ZHX2: variants seen among roughly 807,000 people sequenced by gnomAD.
ZHX2 encodes zinc fingers and homeoboxes 2, also known as zinc fingers and homeoboxes protein 2.
Under a neutral mutation model 21.9 loss-of-function variants are expected in ZHX2, and 6 were observed. The observed-to-expected ratio is 0.27, with a 90% confidence interval of 0.15 to 0.54. ZHX2 has a LOEUF of 0.54. Among genes scored for constraint, ZHX2 ranks in the 20% least tolerant of loss-of-function variants. The pLI, the probability that ZHX2 is intolerant of heterozygous loss-of-function variation, is 0.95. For missense variants in ZHX2, 908 were observed against 1,090.7 expected (o/e 0.83, Z 2.36); for synonymous variants, 434 against 437.1 (o/e 0.99, Z 0.09).
intron 2 of ZHX2, among the ~76,000 whole-genome samples, chr8:122,941,066 A>AT (rs886584638): frequency 1.5e-5 from 2 of 137,598 alleles, no homozygotes; most frequent in African/African-American, 6.2e-5. Flanking sequence ...CCCTATCTCT[A>AT]TTAAAAAAAA....
At chr8:122,918,467 G>A (rs115089114) in intron 2 of ZHX2, among the ~76,000 whole-genome samples, 6 of 152,214 alleles carry the variant, frequency 3.9e-5, no homozygotes, top group East Asian at 3.9e-4. Flanking sequence ...TACCCATCTC[G>A]CCTTTGCCTT....
chr8:122,919,499 G>C (rs1029166578), intron 2 of ZHX2, among the ~76,000 whole-genome samples: 8 of 152,132 alleles, frequency 5.3e-5, no homozygotes, highest in African/African-American at 1.9e-4. Flanking sequence ...TCAATCATGT[G>C]CTAGCTTCAA....
chr8:122,906,374 G>T (rs1820347551), intron 2 of ZHX2, among the ~76,000 whole-genome samples: 1 of 152,218 alleles, frequency 6.6e-6, no homozygotes, highest in Admixed American at 6.5e-5. Flanking sequence ...ATCAGTAGGG[G>T]AATGGCTTAT....
chr8:122,805,268 G>A (rs983945861), intron 1 of ZHX2, among the ~76,000 whole-genome samples: 1 of 152,164 alleles, frequency 6.6e-6, no homozygotes, highest in African/African-American at 2.4e-5. Flanking sequence ...ACGCCTCAGT[G>A]CTGTTCCACC....
chr8:122,928,948 A>G (rs1046888814), intron 2 of ZHX2, among the ~76,000 whole-genome samples: 5 of 152,124 alleles, frequency 3.3e-5, no homozygotes, highest in East Asian at 1.9e-4. Context: ...GGTTGTTACA[A>G]TTACTATCAT....
chr8:122,804,236 G>C (rs975502964), intron 1 of ZHX2, among the ~76,000 whole-genome samples: 1 of 152,138 alleles, frequency 6.6e-6, no homozygotes, highest in African/African-American at 2.4e-5. Context: ...AGCCTCCCAA[G>C]CAGCTGGGAC....
At chr8:122,868,979 G>A (rs6470120) in intron 2 of ZHX2, among the ~76,000 whole-genome samples, 58,481 of 152,146 alleles carry the variant, frequency 0.38, 11,900 homozygotes, top group African/African-American at 0.53. Flanking sequence ...CTGGGTTATT[G>A]AGTGAGAGCT....
intron 1 of ZHX2, among the ~76,000 whole-genome samples, chr8:122,834,409 G>A (rs1183424603): frequency 6.6e-6 from 1 of 152,220 alleles, no homozygotes; most frequent in Non-Finnish European, 1.5e-5. Flanking sequence ...GCTTACCTGG[G>A]TTTGGGCATT....
intron 2 of ZHX2, among the ~76,000 whole-genome samples, chr8:122,922,783 T>C (rs750580378): frequency 1.1e-4 from 17 of 152,256 alleles, no homozygotes; most frequent in South Asian, 8.3e-4. Flanking sequence ...AGTTTCCATA[T>C]GCATGAAACA....
At chr8:122,941,821 A>G (rs1308313772) in intron 2 of ZHX2, among the ~76,000 whole-genome samples, 1 of 152,264 alleles carries the variant, frequency 6.6e-6, no homozygotes, top group African/African-American at 2.4e-5. Flanking sequence ...CTGATTAAAA[A>G]TATACATTCC....
At chr8:122,815,177 C>T (rs1175093909) in intron 1 of ZHX2, among the ~76,000 whole-genome samples, 2 of 152,136 alleles carry the variant, frequency 1.3e-5, no homozygotes, top group Non-Finnish European at 2.9e-5. Context: ...CTTAATAGTT[C>T]CCATTTATTG....
At chr8:122,810,881 C>T (rs1001885549) in intron 1 of ZHX2, among the ~76,000 whole-genome samples, 8 of 151,990 alleles carry the variant, frequency 5.3e-5, no homozygotes, top group Non-Finnish European at 1.2e-4. Context: ...CATGCTGGTG[C>T]GCTGCACCCA....
At chr8:122,926,977 G>A (rs1820875341) in intron 2 of ZHX2, among the ~76,000 whole-genome samples, 1 of 152,132 alleles carries the variant, frequency 6.6e-6, no homozygotes, top group African/African-American at 2.4e-5. Context: ...CACATCTGCA[G>A]TATAAGATAA....
chr8:122,846,711 T>C (rs1818759474), intron 1 of ZHX2, among the ~76,000 whole-genome samples: 1 of 152,108 alleles, frequency 6.6e-6, no homozygotes, highest in Admixed American at 6.5e-5. Flanking sequence ...CAAAAGTAAC[T>C]GCAGCTTTTG....
chr8:122,847,196 C>T (rs1246435320), intron 1 of ZHX2, among the ~76,000 whole-genome samples: 1 of 152,182 alleles, frequency 6.6e-6, no homozygotes, highest in Non-Finnish European at 1.5e-5. Flanking sequence ...CCTGCCAGGG[C>T]TGGGTCCTTG....
chr8:122,945,018 G>A (rs892870416), intron 2 of ZHX2, among the ~76,000 whole-genome samples: 2 of 152,108 alleles, frequency 1.3e-5, no homozygotes, highest in Non-Finnish European at 2.9e-5. Flanking sequence ...GGAGGAAGAC[G>A]GTCATCTCCA....
intron 2 of ZHX2, among the ~76,000 whole-genome samples, chr8:122,950,273 G>A (rs1452654602): frequency 6.6e-6 from 1 of 152,210 alleles, no homozygotes; most frequent in Non-Finnish European, 1.5e-5. Context: ...GTCCTTTGCA[G>A]GGACATGGAT....
intron 3 of ZHX2, among the ~76,000 whole-genome samples, chr8:122,971,611 CAA>C (rs56331425): frequency 0.045 from 3,698 of 81,714 alleles, 146 homozygotes; most frequent in African/African-American, 0.16. Context: ...GGCCCCTGTA[CAA>C]AAAAAAAAAA....
chr8:122,803,751 T>C (rs1039712824), intron 1 of ZHX2, among the ~76,000 whole-genome samples: 12 of 152,208 alleles, frequency 7.9e-5, no homozygotes, highest in African/African-American at 2.9e-4. Flanking sequence ...TTGGTCCCAG[T>C]AGTGCTCCCC....
Sources: gnomAD v4.1 joint callset for allele counts (sites outside exome capture counted in the v4.1 genomes callset) on GRCh38, gnomAD v4.1.1 for gene constraint, MANE v1.5 for transcripts, NCBI Gene and HGNC (gene_info 2026-07-23, HGNC 2026-07-21) for gene names.